Variants in BAX observed in about 807,000 individuals in gnomAD.
BAX encodes the protein apoptosis regulator BAX.
Under a neutral mutation model 26.8 loss-of-function variants are expected in BAX, and 21 were observed. The ratio of observed to expected loss-of-function variants is 0.78; its 90% CI spans 0.56 to 1.13. The LOEUF (loss-of-function observed/expected upper bound fraction) is 1.13. BAX is among the 50% of genes most tolerant of loss of function. The probability of loss-of-function intolerance (pLI) is 0.00; values close to 1 mark genes in which losing one functional copy is unlikely to be tolerated. For missense variants in BAX, 236 were observed against 254.6 expected (o/e 0.93, Z 0.50); for synonymous variants, 110 against 101.8 (o/e 1.08, Z -0.49).
chr19:48,959,498 G>A (rs2038269905), intron 4 of BAX, among the ~76,000 whole-genome samples: 1 of 136,528 alleles, frequency 7.3e-6, no homozygotes, highest in African/African-American at 2.8e-5. Context: ...GAATTTGATG[G>A]GAATTTAAAA....
In BAX at chr19:48,955,713, TG is replaced by T. The variant is rs398122840; in HGVS notation, c.121del (p.Glu41ArgfsTer19). The T allele has an allele frequency of 2.1e-5, 33 of 1,609,526 alleles. No individual in the cohort carries two copies. The highest frequency in any genetic ancestry group is 5.0e-5 in the Admixed American group (3 of 59,544). ...TTCATCCAGGATCGAGCAGGGCGAA[TG>T]GGGGGGGAGGCACCCGAGCTGGCCC... ...QGFIQDRAGRMGGEAPELALD... is the reference protein window; with the variant it reads ...QGFIQDRAGRXGGEAPELALD... On this transcript the variant is annotated frameshift_variant, in exon 3 of 6. Coordinates refer to ENST00000345358, the MANE Select transcript of BAX (RefSeq NM_138761.4). LOFTEE classifies it high-confidence loss of function.
At chr19:48,960,535 G>T (rs1489523471) in intron 4 of BAX, among the ~76,000 whole-genome samples, 2 of 152,092 alleles carry the variant, frequency 1.3e-5, no homozygotes, top group African/African-American at 4.8e-5. Flanking sequence ...GGCTAATTTT[G>T]TATTTTTAGT....
chr19:48,959,154 TC>T (rs1332759668), intron 4 of BAX, among the ~76,000 whole-genome samples: 1 of 150,094 alleles, frequency 6.7e-6, no homozygotes, highest in Non-Finnish European at 1.5e-5. Flanking sequence ...ATCGAGACCA[TC>T]CTGGCTAACA....
In BAX at chr19:48,961,259, T is replaced by C; in HGVS notation, c.475-273T>C. On this transcript the variant is annotated intron_variant, in intron 5 of 5. Transcript: ENST00000345358. Reference sequence around the variant, plus strand: ...TGACCCTAGCTCTTTCCTTTTTTTTTTTTTCCCCACTGAGAAGGGGTCTCG... The same window carrying C: ...TGACCCTAGCTCTTTCCTTTTTTTTCTTTTCCCCACTGAGAAGGGGTCTCG... The C allele has an allele frequency of 3.5e-6, 5 of 1,433,110 alleles. No individual in the cohort carries two copies. The South Asian group carries it at 7.6e-5, about 22-fold the overall frequency. 88.8% of individuals were successfully genotyped at this position (1,433,110 alleles called of 1,614,324 possible). A position where few individuals can be genotyped will look rare whatever the true frequency, so the allele number is the denominator to read the frequency against.
rs201482504 is a variant in BAX at position 48,959,513 on chromosome 19, A to T, written c.370-1297A>T. Reference sequence around the variant, plus strand: ...GAATTTGATGGGAATTTAAAAAATTAAAAAAAAAAAAAAAAATGGGGCTGG... The same window carrying T: ...GAATTTGATGGGAATTTAAAAAATTTAAAAAAAAAAAAAAAATGGGGCTGG... On this transcript the variant is annotated intron_variant, in intron 4 of 5. Transcript: ENST00000345358. Among the ~76,000 whole-genome samples, 127 of 25,288 alleles carry T rather than the reference A, an allele frequency of 5.0e-3. 1 individual carries two copies. Among genetic ancestry groups the T allele is most frequent in the African/African-American group, 0.02 (102 of 4,976 alleles). 16.6% of individuals were successfully genotyped at this position (25,288 alleles called of 152,430 possible). A position where few individuals can be genotyped will look rare whatever the true frequency, so the allele number is the denominator to read the frequency against.
intron 1 of BAX, 186 bp downstream of exon 1, chr19:48,955,148 C>G (rs1479712300): frequency 2.9e-6 from 2 of 690,008 alleles, no homozygotes; most frequent in Non-Finnish European, 4.1e-6. Context: ...CCCCGTGTCC[C>G]GATCCCTGCC....
chr19:48,961,532 G>A lies in BAX; in HGVS notation c.475G>A (p.Asp159Asn). 1 of 1,606,220 alleles carries A rather than the reference G, an allele frequency of 6.2e-7. No individual in the cohort carries two copies. ...LGWIQDQGGW[D>N]GLLSYFGTPT... ...AAGCGACTGATGTCCCTGTCTCCAG[G>A]ACGGCCTCCTCTCCTACTTTGGGAC... The change falls in exon 6 of 6, where the codon GAC becomes AAC. Residue 159 changes from aspartate (D) to asparagine (N), a missense_variant and splice_region_variant. Coordinates refer to ENST00000345358, the MANE Select transcript of BAX (RefSeq NM_138761.4).
chr19:48,955,289 C>G, intron 1 of BAX: 1 of 427,874 alleles, frequency 2.3e-6, no homozygotes, highest in Non-Finnish European at 4.0e-6. Flanking sequence ...GCCTCTGCCC[C>G]CTCAGGCCAG....
chr19:48,955,490 C>G, intron 1 of BAX, 58 bp from the exon 2 acceptor site: 2 of 1,566,846 alleles, frequency 1.3e-6, no homozygotes, highest in African/African-American at 1.4e-5. Context: ...TCTCCACAGT[C>G]TCCTGATCCC....
rs1805416 is a variant in BAX at position 48,955,489 on chromosome 19, T to A, written c.35-59T>A. On this transcript the variant is annotated intron_variant, in intron 1 of 5. Coordinates refer to ENST00000345358, the MANE Select transcript of BAX (RefSeq NM_138761.4). ...CCTCAGGGGCCGTGAGTCTCCACAG[T>A]CTCCTGATCCCCTAGAACCCAAGAG... 1.4e-4 allele frequency: 225 copies of A among 1,553,928 alleles called. 1 individual carries two copies. In the African/African-American group the frequency reaches 2.4e-3, roughly 16 times the overall value.
chr19:48,954,996 G>A (rs761254827), intron 1 of BAX, 34 bp downstream of exon 1: 1 of 1,240,000 alleles, frequency 8.1e-7, no homozygotes, highest in South Asian at 3.9e-5. Context: ...GGAGGAGGGC[G>A]AGCCCCCTCG....
chr19:48,960,985 C>T (rs746408654), intron 5 of BAX, 71 bp downstream of exon 5: 5 of 1,612,966 alleles, frequency 3.1e-6, no homozygotes, highest in South Asian at 2.2e-5. Context: ...CCGTCCCTGC[C>T]CCCCGCCACT....
At chr19:48,959,513 A>C (rs201482504) in intron 4 of BAX, among the ~76,000 whole-genome samples, 3 of 25,290 alleles carry the variant, frequency 1.2e-4, no homozygotes, top group African/African-American at 6.0e-4. Flanking sequence ...TTAAAAAATT[A>C]AAAAAAAAAA....
chr19:48,959,349 CAAAAAAAAA>C (rs71179067), intron 4 of BAX, among the ~76,000 whole-genome samples: 1 of 73,054 alleles, frequency 1.4e-5, no homozygotes, highest in Non-Finnish European at 2.5e-5. Flanking sequence ...GACTCCGTCT[CAAAAAAAAA>C]AAAAAAAAAA....
intron 4 of BAX, among the ~76,000 whole-genome samples, chr19:48,956,727 T>C (rs2038148523): frequency 6.7e-6 from 1 of 150,048 alleles, no homozygotes; most frequent in African/African-American, 2.5e-5. Flanking sequence ...ATGATCTTGG[T>C]TCACTGCAAC....
chr19:48,959,512 T>TAA, intron 4 of BAX, among the ~76,000 whole-genome samples: 1 of 131,716 alleles, frequency 7.6e-6, no homozygotes, highest in South Asian at 2.4e-4. Context: ...TTTAAAAAAT[T>TAA]AAAAAAAAAA....
chr19:48,958,949 C>T (rs549302768), intron 4 of BAX, among the ~76,000 whole-genome samples: 9 of 152,176 alleles, frequency 5.9e-5, no homozygotes, highest in Middle Eastern at 3.4e-3. Flanking sequence ...ACCTACAGAG[C>T]GGGGATGATA....
chr19:48,961,378 T>C (rs1426694983), intron 5 of BAX, 154 bp from the exon 6 acceptor site: 1 of 1,201,978 alleles, frequency 8.3e-7, no homozygotes, highest in Non-Finnish European at 1.1e-6. Context: ...TGAGCCACCA[T>C]GCCTGGCCTG....
chr19:48,957,514 A>G (rs1270060640), intron 4 of BAX, among the ~76,000 whole-genome samples: 1 of 151,564 alleles, frequency 6.6e-6, no homozygotes, highest in East Asian at 2.0e-4. Context: ...GCCTCAAGTG[A>G]TCCGCCCACC....
Sources: gnomAD v4.1 joint callset for allele counts (sites outside exome capture counted in the v4.1 genomes callset) on GRCh38, gnomAD v4.1.1 for gene constraint, MANE v1.5 for transcripts, NCBI Gene and HGNC (gene_info 2026-07-23, HGNC 2026-07-21) for gene names.